CEP128: variants seen among roughly 807,000 people sequenced by gnomAD.
CEP128 encodes centrosomal protein 128.
CEP128 carries 132 observed loss-of-function variants against 156.7 expected under a neutral mutation model. That is an observed-to-expected ratio of 0.84 (90% confidence interval 0.73 to 0.97). The LOEUF is 0.97. Ranked by LOEUF, CEP128 falls within the 50% of genes least tolerant of loss-of-function variation. CEP128 has a pLI of 0.00. For missense variants in CEP128, 1,252 were observed against 1,281.9 expected (o/e 0.98, Z 0.36); for synonymous variants, 469 against 448.9 (o/e 1.04, Z -0.57).
At chr14:80,567,993 C>A (rs912566464) in intron 20 of CEP128, among the ~76,000 whole-genome samples, 1 of 151,702 alleles carries the variant, frequency 6.6e-6, no homozygotes, top group African/African-American at 2.4e-5. Flanking sequence ...AGTCATGTAT[C>A]AATGGCATAT....
At chr14:80,501,309 G>A (rs925891687) in intron 24 of CEP128, among the ~76,000 whole-genome samples, 2 of 152,094 alleles carry the variant, frequency 1.3e-5, no homozygotes, top group African/African-American at 4.8e-5. Flanking sequence ...CGCAGAAGAT[G>A]ACTTCAAAGG....
At chr14:80,619,676 T>TGG (rs920390983) in intron 19 of CEP128, among the ~76,000 whole-genome samples, 3 of 143,328 alleles carry the variant, frequency 2.1e-5, no homozygotes, top group Non-Finnish European at 4.5e-5. Context: ...CACTCCAGCC[T>TGG]GGGCAACAAG....
intron 18 of CEP128, among the ~76,000 whole-genome samples, chr14:80,753,676 C>A (rs1002146738): frequency 6.6e-6 from 1 of 152,130 alleles, no homozygotes; most frequent in African/African-American, 2.4e-5. Flanking sequence ...GTGTCTTTGT[C>A]CTTGCTTCTC....
chr14:80,894,144 G>C (rs1044876058), intron 8 of CEP128, among the ~76,000 whole-genome samples: 1 of 151,508 alleles, frequency 6.6e-6, no homozygotes, highest in Non-Finnish European at 1.5e-5. Context: ...AAGAAAAGAT[G>C]GAAAATTAAA....
Position 80,749,809 on chromosome 14 carries a change from T to A in CEP128, c.2614-6542A>T, listed in dbSNP as rs73340531. Among the ~76,000 whole-genome samples the A allele has an allele frequency of 9.6e-3, 1,468 of 152,316 alleles. 24 individuals carry two copies. Among genetic ancestry groups the A allele is most frequent in the African/African-American group, 0.033 (1,374 of 41,572 alleles). On this transcript the variant is annotated intron_variant, in intron 18 of 24. Coordinates refer to ENST00000555265, the MANE Select transcript of CEP128 (RefSeq NM_152446.5). ...ACACATAAGAAACAAGTGCTTAAGGTGATAGATATCCCTTTTACAATGATG... is the reference window on the plus strand; with the variant it reads ...ACACATAAGAAACAAGTGCTTAAGGAGATAGATATCCCTTTTACAATGATG...
chr14:80,540,200 C>CCCA (rs1555372610), intron 21 of CEP128, among the ~76,000 whole-genome samples: 2 of 148,572 alleles, frequency 1.3e-5, no homozygotes, highest in Non-Finnish European at 3.0e-5. Flanking sequence ...TTCTTACACC[C>CCCA]CCCCCCCTTT....
At chr14:80,487,584 C>A (rs1326013861), downstream of CEP128, among the ~76,000 whole-genome samples, 1 of 152,172 alleles carries the variant, frequency 6.6e-6, no homozygotes, top group East Asian at 1.9e-4. Context: ...TTCTTTTCAG[C>A]ACCACACCAA....
At chr14:80,916,311 A>T in intron 3 of CEP128, 90 bp downstream of exon 3, 2 of 1,038,364 alleles carry the variant, frequency 1.9e-6, no homozygotes, top group Non-Finnish European at 1.4e-6. Context: ...GTAATTTGTT[A>T]CAGCAGCAAG....
chr14:80,598,155 C>T (rs1892423839), intron 19 of CEP128, among the ~76,000 whole-genome samples: 1 of 151,374 alleles, frequency 6.6e-6, no homozygotes, highest in South Asian at 2.1e-4. Flanking sequence ...AAAAAGTGTC[C>T]GTATTTGCAG....
At chr14:80,613,007 A>ATTTTT (rs66946967) in intron 19 of CEP128, among the ~76,000 whole-genome samples, 36 of 114,704 alleles carry the variant, frequency 3.1e-4, no homozygotes, top group African/African-American at 9.4e-4. Flanking sequence ...CACCCGGCGA[A>ATTTTT]TTTTTTTTTT....
rs780740502 is a variant in CEP128 at position 80,526,869 on chromosome 14, T to C, written c.3072A>G (p.Lys1024=). The C allele has an allele frequency of 5.1e-6, 8 of 1,562,692 alleles. No homozygotes were observed. The highest frequency in any genetic ancestry group is 6.2e-6 in the Non-Finnish European group (7 of 1,137,528). The stretch of plus-strand genomic sequence containing the variant: ...TAAAAAAGTATATAAAGAAAATTAC[T>C]TTGAAACTTTTGGTTCTGTACTTGG... ...DDTKYRTKSF[K]GDRTFLEGSH... The change falls in exon 23 of 25, where the codon AAA becomes AAG. Residue 1024 remains lysine, a splice_region_variant and synonymous_variant. Coordinates refer to ENST00000555265, the MANE Select transcript of CEP128 (RefSeq NM_152446.5).
At chr14:80,491,448 T>C (rs77104150) in intron 6 of CEP128, among the ~76,000 whole-genome samples, 2,210 of 152,136 alleles carry the variant, frequency 0.015, 34 homozygotes, top group Middle Eastern at 0.034. Context: ...AGTCCCTAGG[T>C]TTCTCCAAAC....
At position 80,501,514 on chromosome 14, in the gene CEP128, C is replaced by CT. The variant is rs1353558785; in HGVS notation, c.3181+3397dup. On this transcript the variant is annotated intron_variant, in intron 24 of 24. Transcript: ENST00000555265. The stretch of plus-strand genomic sequence containing the variant: ...CTTTCTTTCTTTTCTTTTTCTTTTT[C>CT]TTTTTTTTGTAATGGAGTCTTGCTC... 3.7e-3 allele frequency among the ~76,000 whole-genome samples: 559 copies of CT among 151,218 alleles called. 2 individuals are homozygous for CT. The highest frequency in any genetic ancestry group is 0.013 in the African/African-American group (517 of 41,230).
intron 19 of CEP128, among the ~76,000 whole-genome samples, chr14:80,719,590 ATGAGT>A (rs1242270939): frequency 6.6e-6 from 1 of 152,216 alleles, no homozygotes; most frequent in Non-Finnish European, 1.5e-5. Context: ...CTGTGGTAAA[ATGAGT>A]ACTGGGCCAG....
chr14:80,686,738 CA>C (rs1330742718), intron 19 of CEP128, among the ~76,000 whole-genome samples: 2 of 152,018 alleles, frequency 1.3e-5, no homozygotes, highest in Non-Finnish European at 2.9e-5. Context: ...GAAAATCTAC[CA>C]AGCAAATGGA....
At chr14:80,668,768 G>A (rs1298227449) in intron 19 of CEP128, among the ~76,000 whole-genome samples, 7 of 152,124 alleles carry the variant, frequency 4.6e-5, no homozygotes, top group African/African-American at 1.7e-4. Flanking sequence ...TTGAATTTTA[G>A]CTCCCATAAT....
At chr14:80,874,483 A>G (rs768278828) in intron 8 of CEP128, among the ~76,000 whole-genome samples, 1 of 151,648 alleles carries the variant, frequency 6.6e-6, no homozygotes, top group Non-Finnish European at 1.5e-5. Flanking sequence ...AAAAAAAAAG[A>G]AAGAAAGGAA....
At chr14:80,948,342 C>T (rs556392722) in intron 2 of CEP128, among the ~76,000 whole-genome samples, 59 of 152,312 alleles carry the variant, frequency 3.9e-4, no homozygotes, top group Non-Finnish European at 6.9e-4. Context: ...CCCTGCTGAT[C>T]CCATGAAGTT....
chr14:80,953,458 G>A (rs1335950989), intron 2 of CEP128, among the ~76,000 whole-genome samples: 2 of 152,148 alleles, frequency 1.3e-5, no homozygotes, highest in Non-Finnish European at 2.9e-5. Context: ...GGTGGCGGGC[G>A]CCTGTAATCC....
Sources: gnomAD v4.1 joint callset for allele counts (sites outside exome capture counted in the v4.1 genomes callset) on GRCh38, gnomAD v4.1.1 for gene constraint, MANE v1.5 for transcripts, NCBI Gene and HGNC (gene_info 2026-07-23, HGNC 2026-07-21) for gene names.